Variants in CCDC167 observed in about 807,000 individuals in gnomAD.
CCDC167 encodes the protein coiled-coil domain-containing protein 167.
A neutral mutation model predicts 12.7 loss-of-function variants in CCDC167; 15 were observed. The ratio of observed to expected loss-of-function variants is 1.18; its 90% CI spans 0.79 to 1.81. The LOEUF is 1.81. Among genes scored for constraint, CCDC167 ranks in the 40% most tolerant of loss-of-function variants. The probability of loss-of-function intolerance (pLI) is 0.00; values close to 1 mark genes in which losing one functional copy is unlikely to be tolerated. For synonymous variants in CCDC167, 52 were observed against 49.0 expected (o/e 1.06, Z -0.26); for missense variants, 121 against 120.1 (o/e 1.01, Z -0.03).
At chr6:37,487,647 C>T (rs1259266045) in intron 1 of CCDC167, among the ~76,000 whole-genome samples, 1 of 152,176 alleles carries the variant, frequency 6.6e-6, no homozygotes, top group Non-Finnish European at 1.5e-5. Context: ...GGAAGGCTAC[C>T]AAGTGCCCAA....
At chr6:37,485,237 G>T in intron 1 of CCDC167, 43 bp from the exon 2 acceptor site, 2 of 1,477,456 alleles carry the variant, frequency 1.4e-6, no homozygotes, top group Non-Finnish European at 1.9e-6. Flanking sequence ...GAGGCTTCTA[G>T]CTCTCAAAAC....
At chr6:37,491,800 C>T (rs11752757) in intron 1 of CCDC167, among the ~76,000 whole-genome samples, 8,010 of 152,288 alleles carry the variant, frequency 0.053, 285 homozygotes, top group South Asian at 0.096. Context: ...ACATAATGCT[C>T]GCAAGAACCC....
At chr6:37,489,810 G>A (rs1448526498) in intron 1 of CCDC167, among the ~76,000 whole-genome samples, 2 of 152,240 alleles carry the variant, frequency 1.3e-5, no homozygotes, top group African/African-American at 4.8e-5. Flanking sequence ...CAGCTGGCAG[G>A]AAGAGGCATG....
chr6:37,483,137 A>G lies in CCDC167; in HGVS notation c.*49T>C. On this transcript the variant is annotated 3_prime_UTR_variant, in exon 4 of 4. Coordinates refer to ENST00000373408, the MANE Select transcript of CCDC167 (RefSeq NM_138493.3). ...GGCTTGAAGTGCCTGCTTGATCCTG[A>G]TCAAGGGGCCAAGTGGAAGCCTGTG... The G allele has an allele frequency of 6.9e-7, 1 of 1,444,642 alleles. No individual in the cohort carries two copies. Among genetic ancestry groups the G allele is most frequent in the South Asian group, 1.1e-5 (1 of 87,606 alleles). The allele number at this position is 1,444,642 out of a possible 1,614,324, so 89.5% of individuals were successfully genotyped here. A position where few individuals can be genotyped will look rare whatever the true frequency, so the allele number is the denominator to read the frequency against.
At chr6:37,493,892 C>T (rs190672054) in intron 1 of CCDC167, among the ~76,000 whole-genome samples, 1 of 152,290 alleles carries the variant, frequency 6.6e-6, no homozygotes, top group Admixed American at 6.5e-5. Flanking sequence ...GAGCGGAGAC[C>T]GTCTTCAGCC....
Position 37,485,099 on chromosome 6 carries a change from C to A in CCDC167, c.137+1G>T. ...GTGGGGTGGCTGGGCAGGAGCATTA[C>A]CTGGCCTCTGGGCTCAGCTCCCGGC... On this transcript the variant is annotated splice_donor_variant, in intron 2 of 3. Transcript: ENST00000373408. LOFTEE classifies it high-confidence loss of function. 6.2e-7 allele frequency: 1 copy of A among 1,611,230 alleles called. No individual in the cohort carries two copies. Among genetic ancestry groups the A allele is most frequent in the Non-Finnish European group, 8.5e-7 (1 of 1,179,420 alleles).
chr6:37,488,577 G>A (rs1484520621), intron 1 of CCDC167, among the ~76,000 whole-genome samples: 1 of 152,198 alleles, frequency 6.6e-6, no homozygotes, highest in Non-Finnish European at 1.5e-5. Flanking sequence ...GCCAGAACTG[G>A]GCAAGCAGTT....
rs146660482 is a variant in CCDC167, at chr6:37,494,413, C to T, written c.42+5409G>A. ...GATTCCAGTGAATTTTCAATGACTCCCATTAGCATTTATTCCTTACAGCAG... is the reference window on the plus strand; with the variant it reads ...GATTCCAGTGAATTTTCAATGACTCTCATTAGCATTTATTCCTTACAGCAG... On this transcript the variant is annotated intron_variant, in intron 1 of 3. Coordinates refer to ENST00000373408, the MANE Select transcript of CCDC167 (RefSeq NM_138493.3). Among the ~76,000 whole-genome samples the T allele has an allele frequency of 1.4e-4, 21 of 152,260 alleles. No individual in the cohort carries two copies. In the East Asian group the frequency reaches 4.1e-3, roughly 29 times the overall value.
chr6:37,490,040 C>T (rs776722449), intron 1 of CCDC167, among the ~76,000 whole-genome samples: 4 of 152,226 alleles, frequency 2.6e-5, no homozygotes, highest in Non-Finnish European at 5.9e-5. Context: ...GGAAAAAGCA[C>T]TGTGTCCCAG....
intron 1 of CCDC167, among the ~76,000 whole-genome samples, chr6:37,492,445 A>G (rs1762034715): frequency 6.6e-6 from 1 of 152,234 alleles, no homozygotes; most frequent in African/African-American, 2.4e-5. Flanking sequence ...AGGAGACAGG[A>G]GCCCAGCGTC....
chr6:37,490,222 G>T (rs1355858573), intron 1 of CCDC167, among the ~76,000 whole-genome samples: 1 of 152,166 alleles, frequency 6.6e-6, no homozygotes, highest in East Asian at 1.9e-4. Flanking sequence ...TGTGTGAGCG[G>T]TCCAGGGGCC....
At position 37,484,792 on chromosome 6, in the gene CCDC167, T is replaced by C; in HGVS notation, c.190+18A>G. 1 of 1,614,202 alleles carries C rather than the reference T, an allele frequency of 6.2e-7. No homozygotes were observed. Among genetic ancestry groups the C allele is most frequent in the Non-Finnish European group, 8.5e-7 (1 of 1,180,006 alleles). ...GGGACTGGAGGCTGGGGCTGGTAAC[T>C]GAAAGGAACTTTCTTACCGTAGTTG... is the stretch of plus-strand genomic sequence containing the variant. On this transcript the variant is annotated intron_variant, in intron 3 of 3. Coordinates refer to ENST00000373408, the MANE Select transcript of CCDC167 (RefSeq NM_138493.3).
rs764208051 is a variant in CCDC167, at chr6:37,499,806, C to T, written c.42+16G>A. 6.2e-7 allele frequency: 1 copy of T among 1,613,850 alleles called. No individual in the cohort carries two copies. Among genetic ancestry groups the T allele is most frequent in the African/African-American group, 1.3e-5 (1 of 74,920 alleles). ...GGCAACTAACGAGGTGGCCCAACCC[C>T]CACTTTTCCCCTCACCTCTAGAGCG... On this transcript the variant is annotated intron_variant, in intron 1 of 3. Transcript: ENST00000373408.
At chr6:37,488,890 G>C (rs1336821496) in intron 1 of CCDC167, among the ~76,000 whole-genome samples, 1 of 152,220 alleles carries the variant, frequency 6.6e-6, no homozygotes, top group Non-Finnish European at 1.5e-5. Context: ...CTAGATCTTT[G>C]GAGAATAAAA....
At chr6:37,499,359 C>T (rs763230351) in intron 1 of CCDC167, among the ~76,000 whole-genome samples, 29 of 152,320 alleles carry the variant, frequency 1.9e-4, no homozygotes, top group Non-Finnish European at 3.5e-4. Flanking sequence ...GGAAAAATTT[C>T]CCCTTTTAGA....
intron 1 of CCDC167, among the ~76,000 whole-genome samples, chr6:37,490,438 C>T (rs1398740287): frequency 1.3e-5 from 2 of 152,070 alleles, no homozygotes; most frequent in Non-Finnish European, 2.9e-5. Context: ...CTCAGGTAGA[C>T]AGGTGGGAAA....
intron 1 of CCDC167, among the ~76,000 whole-genome samples, chr6:37,492,893 C>G (rs1332387327): frequency 6.6e-6 from 1 of 152,178 alleles, no homozygotes; most frequent in East Asian, 1.9e-4. Flanking sequence ...TTCCAGGTGA[C>G]AAGCCTCAAA....
At chr6:37,491,046 C>T (rs1202765960) in intron 1 of CCDC167, among the ~76,000 whole-genome samples, 1 of 152,140 alleles carries the variant, frequency 6.6e-6, no homozygotes, top group Non-Finnish European at 1.5e-5. Context: ...GAAATCCCCG[C>T]GAGGCATCTT....
chr6:37,489,411 A>G (rs147820538), intron 1 of CCDC167, among the ~76,000 whole-genome samples: 150 of 152,312 alleles, frequency 9.8e-4, no homozygotes, highest in African/African-American at 3.2e-3. Context: ...GAACAACAAC[A>G]GGCCACAGGC....
Sources: allele counts gnomAD v4.1 joint callset (sites outside exome capture counted in the v4.1 genomes callset), GRCh38; gene constraint gnomAD v4.1.1; transcripts MANE v1.5; gene names NCBI Gene and HGNC (gene_info 2026-07-23, HGNC 2026-07-21).